TMC5: variants seen among roughly 807,000 people sequenced by gnomAD.
The protein encoded by TMC5 is transmembrane channel-like protein 5.
TMC5 carries 86 observed loss-of-function variants against 110.5 expected under a neutral mutation model. The observed-to-expected ratio is 0.78, with a 90% CI of 0.65 to 0.93. The LOEUF (loss-of-function observed/expected upper bound fraction) is 0.93, where lower values mean the gene tolerates loss of function less well. Among genes scored for constraint, TMC5 ranks in the 40% least tolerant of loss-of-function variants. The pLI, the probability that TMC5 is intolerant of heterozygous loss-of-function variation, is 0.00. For synonymous variants in TMC5, 455 were observed against 439.5 expected, an observed-to-expected ratio of 1.04 and a Z score of -0.44; for missense variants, 1,144 against 1,222.8, an observed-to-expected ratio of 0.94 and a Z score of 0.96.
chr16:19,417,866 A>G (rs903615754), upstream of TMC5: 2 of 152,180 alleles, frequency 1.3e-5, no homozygotes, highest in East Asian at 1.9e-4. Context: ...TAAAACGGCA[A>G]TGAGCTCAGT....
At chr16:19,480,625 T>A (rs928443646) in intron 14 of TMC5, among the ~76,000 whole-genome samples, 5 of 152,024 alleles carry the variant, frequency 3.3e-5, no homozygotes, top group Non-Finnish European at 2.9e-5. Context: ...GCCAACGTGG[T>A]GAAACCCTGT....
rs1319087375 is a variant in TMC5, at chr16:19,462,576, C to A, written c.1149-704C>A. 3 of 700,554 alleles carry A rather than the reference C, an allele frequency of 4.3e-6. No individual in the cohort carries two copies. In the African/African-American group the frequency reaches 5.2e-5, roughly 12 times the overall value. 43.4% of individuals were successfully genotyped at this position (700,554 alleles called of 1,614,324 possible). A position where few individuals can be genotyped will look rare whatever the true frequency, so the allele number is the denominator to read the frequency against. On this transcript the variant is annotated intron_variant, in intron 6 of 21. Transcript: ENST00000542583. ...ACATCTTACGTGGTGGTAGGCAAGA[C>A]GGCATGTGCAGGGGAACTGCCCTTT...
intron 7 of TMC5, 66 bp downstream of exon 7, chr16:19,463,433 G>A: frequency 1.6e-6 from 2 of 1,264,036 alleles, no homozygotes; most frequent in Admixed American, 3.4e-5. Context: ...AGGATGAAAG[G>A]GGACTCAGGG....
chr16:19,495,428 T>C (rs1969028532), intron 20 of TMC5, among the ~76,000 whole-genome samples: 1 of 152,162 alleles, frequency 6.6e-6, no homozygotes, highest in African/African-American at 2.4e-5. Context: ...ATTATACAAA[T>C]AGTATCATAA....
intron 2 of TMC5, among the ~76,000 whole-genome samples, chr16:19,433,798 T>C (rs996337627): frequency 1.3e-5 from 2 of 151,462 alleles, no homozygotes. Flanking sequence ...TTCCTCTACC[T>C]GATTATAAGA....
chr16:19,419,757 G>T (rs1332295824), intron 1 of TMC5, among the ~76,000 whole-genome samples: 1 of 152,040 alleles, frequency 6.6e-6, no homozygotes, highest in Non-Finnish European at 1.5e-5. Context: ...GCCAGAAAAG[G>T]TCCTGTCCCC....
chr16:19,480,669 G>A (rs1003318001), intron 14 of TMC5, among the ~76,000 whole-genome samples: 4 of 152,182 alleles, frequency 2.6e-5, no homozygotes, highest in Middle Eastern at 3.4e-3. Context: ...GCCGAGCATG[G>A]TGGTGTGTGC....
intron 1 of TMC5, among the ~76,000 whole-genome samples, chr16:19,420,936 A>T (rs536894964): frequency 6.6e-6 from 1 of 152,160 alleles, no homozygotes; most frequent in Non-Finnish European, 1.5e-5. Context: ...CAGAGACTTG[A>T]GTTATAAATT....
intron 1 of TMC5, among the ~76,000 whole-genome samples, chr16:19,412,077 A>ATT (rs368948373): frequency 9.5e-5 from 14 of 146,704 alleles, no homozygotes; most frequent in Admixed American, 4.8e-4. Flanking sequence ...TTTTTGTGGG[A>ATT]TTTTTTTTTT....
intron 1 of TMC5, among the ~76,000 whole-genome samples, chr16:19,412,870 A>C (rs1966859624): frequency 2.6e-5 from 4 of 152,078 alleles, no homozygotes; most frequent in Admixed American, 2.6e-4. Flanking sequence ...TTAGAGACTG[A>C]GTCTTGCTCT....
chr16:19,480,478 A>T (rs1968590420), intron 14 of TMC5, among the ~76,000 whole-genome samples: 1 of 152,080 alleles, frequency 6.6e-6, no homozygotes, highest in Admixed American at 6.6e-5. Context: ...ATGTGCTTTT[A>T]TTCTAGCCTC....
At position 19,436,749 on chromosome 16, in the gene TMC5, G is replaced by GATGTCATCAACATCTGACA. The variant is rs1445719068; in HGVS notation, c.-79-3194_-79-3176dup. Among the ~76,000 whole-genome samples, 5 of 152,126 alleles carry GATGTCATCAACATCTGACA rather than the reference G, an allele frequency of 3.3e-5. No individual in the cohort carries two copies. The East Asian group carries it at 7.7e-4, about 23-fold the overall frequency. Reference sequence around the variant, plus strand: ...TTTGGCTGGATTCAGGTGTTTAAATGATGTCATCAACATCTGACAATGTCA... The same window carrying GATGTCATCAACATCTGACA: ...TTTGGCTGGATTCAGGTGTTTAAATGATGTCATCAACATCTGACAATGTCATCAACATCTGACAATGTCA... On this transcript the variant is annotated intron_variant, in intron 2 of 21. Coordinates refer to ENST00000542583, the MANE Select transcript of TMC5 (RefSeq NM_001261841.2).
At chr16:19,428,915 T>G (rs1287214762) in intron 1 of TMC5, among the ~76,000 whole-genome samples, 2 of 152,152 alleles carry the variant, frequency 1.3e-5, no homozygotes, top group Admixed American at 1.3e-4. Context: ...AACCTCCGCC[T>G]TCCAGGTTCA....
chr16:19,463,871 C>T lies in TMC5; in HGVS notation c.1332C>T (p.Thr444=). 3 of 1,614,216 alleles carry T rather than the reference C, an allele frequency of 1.9e-6. No individual in the cohort carries two copies. Among genetic ancestry groups the T allele is most frequent in the Non-Finnish European group, 2.5e-6 (3 of 1,180,038 alleles). ...TLKIIGGKFG[T]SVLSYFNFLR... The stretch of plus-strand genomic sequence containing the variant: ...AGATCATTGGAGGCAAGTTTGGAAC[C>T]AGCGTCCTCTCCTATTTCAACTTTC... Residue 444 remains threonine, a synonymous_variant, in exon 8 of 22, where the codon ACC becomes ACT. Coordinates refer to ENST00000542583, the MANE Select transcript of TMC5 (RefSeq NM_001261841.2).
chr16:19,412,368 G>A (rs59882451), intron 1 of TMC5, among the ~76,000 whole-genome samples: 6,174 of 148,496 alleles, frequency 0.042, 427 homozygotes, highest in African/African-American at 0.14. Flanking sequence ...CACCAAGCCC[G>A]ACTTTCTTTT....
intron 3 of TMC5, among the ~76,000 whole-genome samples, chr16:19,442,162 T>C (rs934041778): frequency 6.6e-6 from 1 of 152,202 alleles, no homozygotes; most frequent in East Asian, 1.9e-4. Context: ...TAGATCTAAA[T>C]TTTGTCTAAA....
intron 17 of TMC5, among the ~76,000 whole-genome samples, chr16:19,489,813 G>A (rs942581797): frequency 4.0e-5 from 6 of 151,096 alleles, no homozygotes; most frequent in Admixed American, 1.3e-4. Context: ...TTTTCAGACA[G>A]GGTCTTGCTC....
At chr16:19,471,901 C>T (rs180912876) in intron 10 of TMC5, among the ~76,000 whole-genome samples, 187 bp from the exon 11 acceptor site, 10 of 152,300 alleles carry the variant, frequency 6.6e-5, no homozygotes, top group Non-Finnish European at 1.0e-4. Context: ...GCTGGGATTA[C>T]AGGCATGCAC....
At chr16:19,418,613 AT>A (rs1597153195) in intron 1 of TMC5, among the ~76,000 whole-genome samples, 1 of 152,020 alleles carries the variant, frequency 6.6e-6, no homozygotes, top group African/African-American at 2.4e-5. Flanking sequence ...TTAAAAAAAA[AT>A]CTATTTACTT....
Sources: allele counts gnomAD v4.1 joint callset (sites outside exome capture counted in the v4.1 genomes callset), GRCh38; gene constraint gnomAD v4.1.1; transcripts MANE v1.5; gene names NCBI Gene and HGNC (gene_info 2026-07-23, HGNC 2026-07-21).